The following GPC5 variants were observed in gnomAD, a reference collection of about 807,000 sequenced individuals.
The protein encoded by GPC5 is glypican 5.
GPC5 carries 47 observed loss-of-function variants against 53.9 expected under a neutral mutation model. The ratio of observed to expected loss-of-function variants is 0.87; its 90% confidence interval spans 0.69 to 1.11. The LOEUF (loss-of-function observed/expected upper bound fraction) is 1.11, where lower values mean the gene tolerates loss of function less well. Ranked by LOEUF, GPC5 falls within the 50% of genes most tolerant of loss-of-function variation. GPC5 has a pLI of 0.00. For synonymous variants in GPC5, 286 were observed against 263.3 expected (o/e 1.09, Z -0.84); for missense variants, 748 against 713.1 (o/e 1.05, Z -0.56).
chr13:92,187,874 T>G (rs2139043761), intron 7 of GPC5, among the ~76,000 whole-genome samples: 1 of 152,344 alleles, frequency 6.6e-6, no homozygotes, highest in South Asian at 2.1e-4. Context: ...AAGAACAGTA[T>G]GACTAAATGT....
At chr13:92,178,934 G>A (rs2042127507) in intron 7 of GPC5, among the ~76,000 whole-genome samples, 1 of 152,082 alleles carries the variant, frequency 6.6e-6, no homozygotes, top group Non-Finnish European at 1.5e-5. Flanking sequence ...TTGCACCTCT[G>A]TACTCCAGAC....
intron 3 of GPC5, among the ~76,000 whole-genome samples, chr13:91,695,670 G>A (rs1401564404): frequency 2.6e-5 from 4 of 151,996 alleles, no homozygotes; most frequent in East Asian, 1.9e-4. Flanking sequence ...CCACTGAGCC[G>A]GACCAAAATG....
At chr13:91,417,830 CTTTA>C (rs896591558) in intron 1 of GPC5, among the ~76,000 whole-genome samples, 11 of 152,106 alleles carry the variant, frequency 7.2e-5, no homozygotes, top group African/African-American at 2.7e-4. Context: ...AAACTCCTGG[CTTTA>C]TTTATTTTCT....
At chr13:92,732,652 T>C (rs183069980) in intron 7 of GPC5, among the ~76,000 whole-genome samples, 208 of 151,826 alleles carry the variant, frequency 1.4e-3, no homozygotes, top group African/African-American at 4.8e-3. Context: ...TAAAGTAATG[T>C]CAGATCCAGA....
chr13:92,398,713 A>C (rs528737186), intron 7 of GPC5, among the ~76,000 whole-genome samples: 8 of 152,238 alleles, frequency 5.3e-5, no homozygotes, highest in Middle Eastern at 3.4e-3. Flanking sequence ...TGTTCCTCAA[A>C]ATCCATATGT....
intron 5 of GPC5, among the ~76,000 whole-genome samples, chr13:91,900,741 G>T (rs1295875852): frequency 6.6e-6 from 1 of 152,114 alleles, no homozygotes; most frequent in Non-Finnish European, 1.5e-5. Context: ...GTAGGCAAAA[G>T]TTCATTTGTG....
At chr13:91,720,837 C>T (rs1475741301) in intron 3 of GPC5, among the ~76,000 whole-genome samples, 1 of 152,138 alleles carries the variant, frequency 6.6e-6, no homozygotes, top group African/African-American at 2.4e-5. Flanking sequence ...GTCTTTCTTT[C>T]ACTTGCTATG....
In GPC5 at chr13:92,623,917, C is replaced by T. The variant is rs1460187091; in HGVS notation, c.1562-242365C>T. Among the ~76,000 whole-genome samples, 9 of 152,012 alleles carry T rather than the reference C, an allele frequency of 5.9e-5. No homozygotes were observed. In the South Asian group the frequency reaches 6.2e-4, roughly 11 times the overall value. On this transcript the variant is annotated intron_variant, in intron 7 of 7. Coordinates refer to ENST00000377067, the MANE Select transcript of GPC5 (RefSeq NM_004466.6). ...TTGCCCAGGCCGGAGTGCAGTGGCG[C>T]GATCTCGACTCACTGCAACCTCTGC...
chr13:91,519,699 A>G (rs1042786983), intron 2 of GPC5, among the ~76,000 whole-genome samples: 1 of 152,206 alleles, frequency 6.6e-6, no homozygotes, highest in African/African-American at 2.4e-5. Context: ...TGAGAATAGA[A>G]TAATACATAT....
intron 6 of GPC5, among the ~76,000 whole-genome samples, chr13:92,022,846 C>T (rs189702821): frequency 8.2e-4 from 125 of 151,752 alleles, no homozygotes; most frequent in Admixed American, 2.8e-3. Context: ...TAAAAATAAG[C>T]GTATGATATT....
intron 7 of GPC5, among the ~76,000 whole-genome samples, chr13:92,388,971 T>C (rs908110456): frequency 6.6e-6 from 1 of 152,148 alleles, no homozygotes; most frequent in African/African-American, 2.4e-5. Context: ...GATGTTGATA[T>C]TCTGTGAAGT....
intron 7 of GPC5, among the ~76,000 whole-genome samples, chr13:92,321,627 AC>A (rs2043216506): frequency 6.6e-6 from 1 of 152,006 alleles, no homozygotes; most frequent in Non-Finnish European, 1.5e-5. Context: ...ATACATACAT[AC>A]ATACATACAT....
At chr13:92,632,230 A>G (rs1176022684) in intron 7 of GPC5, among the ~76,000 whole-genome samples, 2 of 152,156 alleles carry the variant, frequency 1.3e-5, no homozygotes, top group Non-Finnish European at 2.9e-5. Context: ...CAAAGAGCCA[A>G]TGACTGAATT....
rs1429679226 is a variant in GPC5 at position 91,763,177 on chromosome 13, T to C, written c.1280+6757T>C. ...AACGCTCTGATGGGTAATACGTGGG[T>C]CCAAAGTGAAGTTGATGCCTGAAAG... On this transcript the variant is annotated intron_variant, in intron 5 of 7. Transcript: ENST00000377067. Among the ~76,000 whole-genome samples the C allele has an allele frequency of 2.6e-5, 4 of 152,102 alleles. No homozygotes were observed. The South Asian group carries it at 6.2e-4, about 24-fold the overall frequency.
chr13:91,403,464 T>G (rs1482143474), intron 1 of GPC5, among the ~76,000 whole-genome samples: 2 of 152,114 alleles, frequency 1.3e-5, no homozygotes, highest in East Asian at 3.9e-4. Context: ...GTTAGAAAGA[T>G]TAAGGTGGGG....
chr13:92,154,217 T>G (rs1001046422), intron 7 of GPC5, among the ~76,000 whole-genome samples: 2 of 152,144 alleles, frequency 1.3e-5, no homozygotes, highest in African/African-American at 4.8e-5. Flanking sequence ...TTACTCATTA[T>G]CATATGGAGG....
chr13:91,463,959 A>C (rs1345597473), intron 2 of GPC5, among the ~76,000 whole-genome samples: 1 of 152,136 alleles, frequency 6.6e-6, no homozygotes. Context: ...AAGAGAATGA[A>C]AACACTGTAA....
At chr13:91,601,652 C>T (rs2033185687) in intron 2 of GPC5, among the ~76,000 whole-genome samples, 1 of 152,110 alleles carries the variant, frequency 6.6e-6, no homozygotes, top group Admixed American at 6.5e-5. Flanking sequence ...TACGAGGGAT[C>T]TCGGTTGCCC....
At chr13:92,178,898 G>A (rs1307536810) in intron 7 of GPC5, among the ~76,000 whole-genome samples, 1 of 152,152 alleles carries the variant, frequency 6.6e-6, no homozygotes, top group African/African-American at 2.4e-5. Flanking sequence ...TTGAACCCAG[G>A]AGGTGGAGGT....
Sources: allele counts gnomAD v4.1 joint callset (sites outside exome capture counted in the v4.1 genomes callset), GRCh38; gene constraint gnomAD v4.1.1; transcripts MANE v1.5; gene names NCBI Gene and HGNC (gene_info 2026-07-23, HGNC 2026-07-21).